The following SUMF1 variants were observed in gnomAD, a reference collection of about 807,000 sequenced individuals.
SUMF1 encodes formylglycine-generating enzyme.
SUMF1 carries 48 observed loss-of-function variants against 47.6 expected under a neutral mutation model. The observed-to-expected ratio is 1.01, with a 90% CI of 0.80 to 1.28. The LOEUF is 1.28. Among genes scored for constraint, SUMF1 ranks in the 50% most tolerant of loss-of-function variants. The probability of loss-of-function intolerance (pLI) is 0.00; values close to 1 mark genes in which losing one functional copy is unlikely to be tolerated. For missense variants in SUMF1, 571 were observed against 485.4 expected (o/e 1.18, Z -1.66); for synonymous variants, 230 against 192.1 (o/e 1.20, Z -1.63).
chr3:4,058,532 G>A (rs550067652), intron 9 of SUMF1, among the ~76,000 whole-genome samples: 17 of 152,108 alleles, frequency 1.1e-4, no homozygotes, highest in Admixed American at 2.6e-4. Context: ...ACAGAAGGGG[G>A]CAGGAACTCT....
At chr3:4,069,075 A>G (rs1226387639) in intron 8 of SUMF1, among the ~76,000 whole-genome samples, 2 of 152,216 alleles carry the variant, frequency 1.3e-5, no homozygotes, top group Non-Finnish European at 2.9e-5. Context: ...GCAAGGCCTC[A>G]GCAGGGCCAA....
At chr3:4,271,086 AACTCAAAGTC>A (rs1697292577) in intron 8 of SUMF1, among the ~76,000 whole-genome samples, 1 of 152,214 alleles carries the variant, frequency 6.6e-6, no homozygotes. Flanking sequence ...GAATACATCA[AACTCAAAGTC>A]ACTGAAAGTG....
chr3:4,341,609 T>C (rs115755447), intron 8 of SUMF1, among the ~76,000 whole-genome samples: 1,582 of 152,346 alleles, frequency 0.01, 19 homozygotes, highest in African/African-American at 0.035. Context: ...GAGAGATTTT[T>C]TGACACTTGT....
At position 4,362,045 on chromosome 3, in the gene SUMF1, G is replaced by T; in HGVS notation, c.*99C>A. ...GGGCAGGTATGTAACCCACCTCAGG[G>T]TGGGAATTCTTTGCATGGGATCGTT... is the stretch of plus-strand genomic sequence containing the variant. On this transcript the variant is annotated 3_prime_UTR_variant, in exon 9 of 9. Transcript: ENST00000272902. 1 of 1,211,568 alleles carries T rather than the reference G, an allele frequency of 8.3e-7. No homozygotes were observed. Among genetic ancestry groups the T allele is most frequent in the Non-Finnish European group, 1.2e-6 (1 of 830,658 alleles). 75.1% of individuals were successfully genotyped at this position (1,211,568 alleles called of 1,614,324 possible).
downstream of SUMF1, among the ~76,000 whole-genome samples, chr3:4,358,699 G>A (rs952702033): frequency 6.6e-6 from 1 of 152,178 alleles, no homozygotes; most frequent in Non-Finnish European, 1.5e-5. Context: ...ACACTTTCCA[G>A]TGTGTTAAGC....
chr3:4,189,272 C>T (rs2248840), intron 8 of SUMF1, among the ~76,000 whole-genome samples: 52,018 of 151,896 alleles, frequency 0.34, 9,042 homozygotes, highest in East Asian at 0.4. Context: ...TCCATACCAG[C>T]AGACTTCTGC....
chr3:4,170,810 T>C lies in SUMF1; in HGVS notation c.1015-102065A>G, dbSNP rs145381664. Among the ~76,000 whole-genome samples, 233 of 152,304 alleles carry C rather than the reference T, an allele frequency of 1.5e-3. 7 individuals carry two copies. The East Asian group carries it at 0.039, about 26-fold the overall frequency. On this transcript the variant is annotated intron_variant and NMD_transcript_variant, in intron 8 of 12. Transcript: ENST00000448413. ...AACAAAAAAACGAACTTTGATTCAT[T>C]CCTTACACCTTATATTTAGTACAAA... is the stretch of plus-strand genomic sequence containing the variant.
At chr3:4,247,767 G>C (rs1696702098) in intron 8 of SUMF1, among the ~76,000 whole-genome samples, 1 of 152,166 alleles carries the variant, frequency 6.6e-6, no homozygotes, top group Admixed American at 6.5e-5. Context: ...GCAGAAAAAT[G>C]TAATGATCCA....
At chr3:4,456,894 ATG>A (rs1277391877) in intron 1 of SUMF1, among the ~76,000 whole-genome samples, 7 of 119,620 alleles carry the variant, frequency 5.9e-5, no homozygotes, top group Admixed American at 1.8e-4. Context: ...GTGTATATAT[ATG>A]TGTGTGTATA....
At chr3:4,072,946 C>A (rs1332085001) in intron 8 of SUMF1, among the ~76,000 whole-genome samples, 1 of 152,146 alleles carries the variant, frequency 6.6e-6, no homozygotes, top group Non-Finnish European at 1.5e-5. Context: ...CCCAACATAG[C>A]AAGGGAGGCC....
At chr3:4,384,989 G>A (rs1330015444) in intron 7 of SUMF1, among the ~76,000 whole-genome samples, 3 of 151,710 alleles carry the variant, frequency 2.0e-5, no homozygotes, top group South Asian at 4.2e-4. Flanking sequence ...AGGTTCAAGC[G>A]ATTCTCCTGC....
chr3:4,303,853 C>CA, intron 8 of SUMF1: 2 of 1,324,334 alleles, frequency 1.5e-6, no homozygotes, highest in Non-Finnish European at 2.0e-6. Context: ...TCCCTGGTCT[C>CA]AGGTGTCTCT....
At chr3:4,439,153 T>C (rs1260561928) in intron 3 of SUMF1, among the ~76,000 whole-genome samples, 1 of 152,188 alleles carries the variant, frequency 6.6e-6, no homozygotes, top group East Asian at 1.9e-4. Context: ...CAGACTAAAA[T>C]GTTTACATTA....
intron 3 of SUMF1, among the ~76,000 whole-genome samples, chr3:4,437,770 T>A (rs1048402955): frequency 6.6e-6 from 1 of 151,716 alleles, no homozygotes; most frequent in Non-Finnish European, 1.5e-5. Context: ...GAAACCCCAT[T>A]TCTACTAAAA....
In SUMF1 at chr3:4,457,118, T is replaced by G. The variant is rs78291842; in HGVS notation, c.271-4069A>C. ...TATTTTTTTTGTTTTGTTTTGTTTTTTTTAGTAGAGACAGGGTTTCACCAT... is the reference window on the plus strand; with the variant it reads ...TATTTTTTTTGTTTTGTTTTGTTTTGTTTAGTAGAGACAGGGTTTCACCAT... On this transcript the variant is annotated intron_variant, in intron 1 of 8. Transcript: ENST00000272902. Among the ~76,000 whole-genome samples the G allele has an allele frequency of 2.5e-3, 366 of 144,062 alleles. 2 individuals carry two copies. Among genetic ancestry groups the G allele is most frequent in the African/African-American group, 8.9e-3 (345 of 38,686 alleles). The allele number at this position is 144,062 out of a possible 152,430, so 94.5% of individuals were successfully genotyped here.
At chr3:4,258,100 C>G (rs1696997728) in intron 8 of SUMF1, among the ~76,000 whole-genome samples, 2 of 150,472 alleles carry the variant, frequency 1.3e-5, no homozygotes, top group Non-Finnish European at 3.0e-5. Flanking sequence ...ACACCTTATA[C>G]AAAAATCAAT....
intron 6 of SUMF1, among the ~76,000 whole-genome samples, chr3:4,415,928 G>A (rs1440564971): frequency 6.6e-6 from 1 of 152,200 alleles, no homozygotes; most frequent in African/African-American, 2.4e-5. Flanking sequence ...TCTGGTGGAT[G>A]CAGCCGACAT....
chr3:4,244,482 G>C (rs1696615942), intron 8 of SUMF1, among the ~76,000 whole-genome samples: 1 of 152,110 alleles, frequency 6.6e-6, no homozygotes, highest in African/African-American at 2.4e-5. Context: ...GCATTTGCTT[G>C]TCTTAAAGGA....
intron 8 of SUMF1, chr3:4,229,190 G>A: frequency 4.6e-6 from 1 of 217,286 alleles, no homozygotes; most frequent in Non-Finnish European, 9.4e-6. Context: ...ATCTCTCACT[G>A]GCTGGTCTAA....
Sources: allele counts gnomAD v4.1 joint callset (sites outside exome capture counted in the v4.1 genomes callset), GRCh38; gene constraint gnomAD v4.1.1; transcripts MANE v1.5; gene names NCBI Gene and HGNC (gene_info 2026-07-23, HGNC 2026-07-21).